Variants in NUDT5 observed in about 807,000 individuals in gnomAD.
NUDT5 encodes nudix hydrolase 5, also known as ADP-sugar pyrophosphatase.
A neutral mutation model predicts 34.1 loss-of-function variants in NUDT5; 21 were observed. The observed-to-expected ratio is 0.62, with a 90% CI of 0.44 to 0.89. The LOEUF is 0.89. Ranked by LOEUF, NUDT5 falls within the 40% of genes least tolerant of loss-of-function variation. The pLI, the probability that NUDT5 is intolerant of heterozygous loss-of-function variation, is 0.00. For synonymous variants in NUDT5, 85 were observed against 97.6 expected (o/e 0.87, Z 0.76); for missense variants, 249 against 274.8 (o/e 0.91, Z 0.66).
rs183227124 is a variant in NUDT5 at position 12,189,198 on chromosome 10, C to T, written c.-41-2866G>A. Among the ~76,000 whole-genome samples the T allele has an allele frequency of 2.2e-3, 331 of 152,188 alleles. 1 individual carries two copies. Among genetic ancestry groups the T allele is most frequent in the Middle Eastern group, 0.01 (3 of 294 alleles). On this transcript the variant is annotated intron_variant, in intron 1 of 9. Transcript: ENST00000491614. The stretch of plus-strand genomic sequence containing the variant: ...TCGGCTCACTGCAACCTCTGCCTCA[C>T]GGATTCAAGCGATTCTCCTGCCTCA...
chr10:12,189,211 T>A (rs1236255058), intron 1 of NUDT5, among the ~76,000 whole-genome samples: 1 of 152,132 alleles, frequency 6.6e-6, no homozygotes. Context: ...ATTCAAGCGA[T>A]TCTCCTGCCT....
At chr10:12,188,624 G>T (rs1835167095) in intron 1 of NUDT5, among the ~76,000 whole-genome samples, 1 of 151,552 alleles carries the variant, frequency 6.6e-6, no homozygotes, top group Non-Finnish European at 1.5e-5. Context: ...CCAACTACAG[G>T]GAAGGCTGAG....
Position 12,170,420 on chromosome 10 carries a change from T to TAA in NUDT5, c.550+295_550+296dup, listed in dbSNP as rs1373588560. The TAA allele has an allele frequency of 5.1e-3, 3,185 of 619,232 alleles. 24 individuals carry two copies. The highest frequency in any genetic ancestry group is 5.4e-3 in the Non-Finnish European group (1,903 of 354,104). The allele number at this position is 619,232 out of a possible 1,614,324, so 38.4% of individuals were successfully genotyped here. A position where few individuals can be genotyped will look rare whatever the true frequency, so the allele number is the denominator to read the frequency against. On this transcript the variant is annotated intron_variant, in intron 9 of 9. Coordinates refer to ENST00000491614, the MANE Select transcript of NUDT5 (RefSeq NM_014142.4). The surrounding 1 kb of genome is among the most constrained non-coding windows in gnomAD (Gnocchi z 4.9). ...TTTGCATTGCTATGGACTGAAGGTT[T>TAA]AAAGTGTAGAATCGTTTTGGCTACT...
At chr10:12,184,850 C>A in intron 3 of NUDT5, 39 bp downstream of exon 3, 1 of 1,134,044 alleles carries the variant, frequency 8.8e-7, no homozygotes, top group African/African-American at 1.6e-5. Context: ...CCTGAGAACC[C>A]AAATAACGAA....
chr10:12,172,957 A>G, intron 6 of NUDT5, 91 bp from the exon 7 acceptor site: 2 of 922,016 alleles, frequency 2.2e-6, no homozygotes, highest in South Asian at 2.9e-5. Context: ...GCAGCTCAGC[A>G]TTGACGTGGA....
At position 12,171,682 on chromosome 10, in the gene NUDT5, A is replaced by T. The variant is rs143460660; in HGVS notation, c.488-774T>A. Among the ~76,000 whole-genome samples, 68 of 144,216 alleles carry T rather than the reference A, an allele frequency of 4.7e-4. 2 individuals carry two copies. In the East Asian group the frequency reaches 0.013, roughly 28 times the overall value. The allele number at this position is 144,216 out of a possible 152,430, so 94.6% of individuals were successfully genotyped here. On this transcript the variant is annotated intron_variant, in intron 7 of 9. Coordinates refer to ENST00000491614, the MANE Select transcript of NUDT5 (RefSeq NM_014142.4). This position sits in a 1 kb window ranked among gnomAD's most constrained non-coding sequence, Gnocchi z 4.2. ...GTATATGTGCAGTTCAAAAATTAAG[A>T]TTTATTTTATTTATTTATTTATTTA... is the stretch of plus-strand genomic sequence containing the variant.
chr10:12,185,883 CATGTT>C (rs1835118805), intron 2 of NUDT5, among the ~76,000 whole-genome samples: 1 of 152,208 alleles, frequency 6.6e-6, no homozygotes, highest in South Asian at 2.1e-4. Flanking sequence ...CTTAAACACT[CATGTT>C]AGGCCATCAA....
chr10:12,181,485 G>C lies in NUDT5; in HGVS notation c.132-2353C>G, dbSNP rs1371329126. Among the ~76,000 whole-genome samples, 1 of 152,292 alleles carries C rather than the reference G, an allele frequency of 6.6e-6. No individual in the cohort carries two copies. The highest frequency in any genetic ancestry group is 2.4e-5 in the African/African-American group (1 of 41,570). On this transcript the variant is annotated intron_variant, in intron 3 of 9. Coordinates refer to ENST00000491614, the MANE Select transcript of NUDT5 (RefSeq NM_014142.4). This position sits in a 1 kb window ranked among gnomAD's most constrained non-coding sequence, Gnocchi z 5.0. ...GCCTTACCCTCTGGGTGTCATGCAG[G>C]CCTTTTTGACATTTTGAACAGTATC...
chr10:12,184,370 T>G (rs943275723), intron 3 of NUDT5: 4 of 851,496 alleles, frequency 4.7e-6, no homozygotes, highest in Non-Finnish European at 7.0e-6. Context: ...CCTTAACACT[T>G]TGTTAAAACT....
intron 1 of NUDT5, among the ~76,000 whole-genome samples, chr10:12,193,024 G>A (rs1289010454): frequency 6.6e-6 from 1 of 151,670 alleles, no homozygotes; most frequent in East Asian, 1.9e-4. Flanking sequence ...GCTACTTGGT[G>A]ATCTCCAGGA....
At position 12,175,120 on chromosome 10, in the gene NUDT5, G is replaced by A. The variant is rs1278800375; in HGVS notation, c.290-1307C>T. ...AGATCACCTGAGGTCAGGGGTTCGAGACCAGCCTGGCCAACATGGTGAAAC... is the reference window on the plus strand; with the variant it reads ...AGATCACCTGAGGTCAGGGGTTCGAAACCAGCCTGGCCAACATGGTGAAAC... On this transcript the variant is annotated intron_variant, in intron 5 of 9. Transcript: ENST00000491614. This position sits in a 1 kb window ranked among gnomAD's most constrained non-coding sequence, Gnocchi z 4.8. Among the ~76,000 whole-genome samples, 1 of 152,136 alleles carries A rather than the reference G, an allele frequency of 6.6e-6. No individual in the cohort carries two copies. Among genetic ancestry groups the A allele is most frequent in the Non-Finnish European group, 1.5e-5 (1 of 68,022 alleles).
chr10:12,179,171 C>T (rs763536956), intron 3 of NUDT5, 39 bp from the exon 4 acceptor site: 32 of 1,571,062 alleles, frequency 2.0e-5, no homozygotes, highest in Non-Finnish European at 2.8e-5. Context: ...ATTAGTGCTA[C>T]AGAAGAGAAT....
At chr10:12,180,993 T>G (rs1835033042) in intron 3 of NUDT5, among the ~76,000 whole-genome samples, 1 of 152,204 alleles carries the variant, frequency 6.6e-6, no homozygotes, top group Admixed American at 6.5e-5. Context: ...ACATCCCCTT[T>G]CATGAATGAG....
chr10:12,193,862 C>T (rs1201942640), intron 1 of NUDT5, among the ~76,000 whole-genome samples: 1 of 151,330 alleles, frequency 6.6e-6, no homozygotes, highest in East Asian at 1.9e-4. Flanking sequence ...GCCTTAATCT[C>T]TACACTCTTT....
At chr10:12,193,215 T>A (rs1835265853) in intron 1 of NUDT5, among the ~76,000 whole-genome samples, 1 of 152,122 alleles carries the variant, frequency 6.6e-6, no homozygotes, top group South Asian at 2.1e-4. Flanking sequence ...AAGTGACATT[T>A]AATTTCCACG....
chr10:12,179,097 T>C lies in NUDT5; in HGVS notation c.167A>G (p.Glu56Gly). 1 of 1,614,124 alleles carries C rather than the reference T, an allele frequency of 6.2e-7. No individual in the cohort carries two copies. Among genetic ancestry groups the C allele is most frequent in the South Asian group, 1.1e-5 (1 of 91,088 alleles). ...TGCACTCCTACCATCCGCAGTCTGCTCTTTCCTGGTTGTACGTTTCACTGA... is the reference window on the plus strand; with the variant it reads ...TGCACTCCTACCATCCGCAGTCTGCCCTTTCCTGGTTGTACGTTTCACTGA... ...WESVKRTTRKEQTADGVAVIP... is the reference protein window; with the variant it reads ...WESVKRTTRKGQTADGVAVIP... The change falls in exon 4 of 10, where the codon GAG becomes GGG. Residue 56 changes from glutamate (E) to glycine (G), a missense_variant. Physicochemically the swap from Glu to Gly is moderately conservative, Grantham distance 98 (BLOSUM62 -2). Transcript: ENST00000491614.
intron 1 of NUDT5, among the ~76,000 whole-genome samples, chr10:12,188,264 A>G (rs1250554861): frequency 1.1e-4 from 17 of 152,222 alleles, no homozygotes; most frequent in Non-Finnish European, 1.5e-4. Flanking sequence ...TACCCATCTG[A>G]TCTTCAATTT....
intron 5 of NUDT5, among the ~76,000 whole-genome samples, chr10:12,174,358 C>G (rs554169692): frequency 3.1e-4 from 47 of 151,928 alleles, no homozygotes; most frequent in African/African-American, 1.1e-3. Context: ...CCTCTGCCTC[C>G]TGGGTTTAAA....
In NUDT5 at chr10:12,187,100, A is replaced by T. The variant is rs1042274040; in HGVS notation, c.-41-768T>A. On this transcript the variant is annotated intron_variant, in intron 1 of 9. Coordinates refer to ENST00000491614, the MANE Select transcript of NUDT5 (RefSeq NM_014142.4). The surrounding 1 kb of genome is among the most constrained non-coding windows in gnomAD (Gnocchi z 5.4). ...CAGGTTGGAGTGCAGTGGCGAAATC[A>T]TGGCTCACTGTAGCCTCTACCTCCC... Among the ~76,000 whole-genome samples the T allele has an allele frequency of 7.2e-5, 11 of 152,072 alleles. No individual in the cohort carries two copies. Among genetic ancestry groups the T allele is most frequent in the African/African-American group, 2.7e-4 (11 of 41,408 alleles).
Sources: allele counts gnomAD v4.1 joint callset (sites outside exome capture counted in the v4.1 genomes callset), GRCh38; gene constraint gnomAD v4.1.1; non-coding constraint Gnocchi (gnomAD v3.1); transcripts MANE v1.5; gene names NCBI Gene and HGNC (gene_info 2026-07-23, HGNC 2026-07-21).